Variants in RAB37 observed in about 807,000 individuals in gnomAD.
The protein encoded by RAB37 is RAB37, member RAS oncogene family, also known as ras-related protein Rab-37.
A neutral mutation model predicts 33.1 loss-of-function variants in RAB37; 29 were observed. The observed-to-expected ratio is 0.88, with a 90% CI of 0.65 to 1.20. RAB37 has a LOEUF of 1.20. Ranked by LOEUF, RAB37 falls within the 50% of genes most tolerant of loss-of-function variation. RAB37 has a pLI of 0.00. For synonymous variants in RAB37, 128 were observed against 119.5 expected, an observed-to-expected ratio of 1.07 and a Z score of -0.47; for missense variants, 299 against 301.1, an observed-to-expected ratio of 0.99 and a Z score of 0.05.
chr17:74,728,204 TTC>T (rs1375169431), intron 1 of RAB37, among the ~76,000 whole-genome samples: 2 of 152,062 alleles, frequency 1.3e-5, no homozygotes, highest in African/African-American at 4.8e-5. Context: ...GAATGTGTGT[TTC>T]TGTGTGTTTG....
chr17:74,727,643 G>A (rs2034321483), intron 1 of RAB37, among the ~76,000 whole-genome samples: 1 of 152,270 alleles, frequency 6.6e-6, no homozygotes, highest in African/African-American at 2.4e-5. Flanking sequence ...GAGCACGGCA[G>A]TGGGGACCAT....
intron 1 of RAB37, among the ~76,000 whole-genome samples, chr17:74,673,352 G>A (rs537095207): frequency 3.4e-4 from 50 of 149,186 alleles, no homozygotes; most frequent in South Asian, 1.3e-3. Context: ...GCAGTGAACC[G>A]AAATCACACC....
chr17:74,706,281 A>AT (rs1243179408), intron 1 of RAB37, among the ~76,000 whole-genome samples: 116 of 145,400 alleles, frequency 8.0e-4, no homozygotes, highest in East Asian at 2.6e-3. Context: ...AGGAAAAAAA[A>AT]AATATATATA....
chr17:74,737,129 T>A, upstream of RAB37: 1 of 1,589,848 alleles, frequency 6.3e-7, no homozygotes, highest in Non-Finnish European at 8.5e-7. Context: ...TCCGAGCCGG[T>A]GTCGTCGAGG....
At position 74,708,697 on chromosome 17, in the gene RAB37, A is replaced by C. The variant is rs566497491; in HGVS notation, c.73-20559A>C. 8.3e-4 allele frequency among the ~76,000 whole-genome samples: 127 copies of C among 152,298 alleles called. 1 individual carries two copies. Among genetic ancestry groups the C allele is most frequent in the African/African-American group, 3.0e-3 (123 of 41,574 alleles). On this transcript the variant is annotated intron_variant, in intron 1 of 7. Coordinates refer to the RAB37 transcript ENST00000340415. ...TTTGGGAGGCCAAGGCGGGCGGATC[A>C]GGAGGTGAGGAGATCGAGACCATCC...
chr17:74,721,240 C>T (rs1032666423), intron 1 of RAB37, among the ~76,000 whole-genome samples: 1 of 152,206 alleles, frequency 6.6e-6, no homozygotes, highest in African/African-American at 2.4e-5. Context: ...GCCAGGACCT[C>T]GCCCTCTTTT....
At chr17:74,719,774 C>A (rs1179556109) in intron 1 of RAB37, among the ~76,000 whole-genome samples, 1 of 152,122 alleles carries the variant, frequency 6.6e-6, no homozygotes, top group Non-Finnish European at 1.5e-5. Context: ...CCTTTGGCCT[C>A]CCCAAGCACT....
upstream of RAB37, among the ~76,000 whole-genome samples, chr17:74,733,430 GTGTA>G (rs1222015299): frequency 1.6e-4 from 1 of 6,286 alleles, no homozygotes. Flanking sequence ...TGATTTGAGA[GTGTA>G]TGTGTGTGAT....
intron 1 of RAB37, chr17:74,698,551 C>G (rs751152283): frequency 3.9e-6 from 6 of 1,543,288 alleles, no homozygotes; most frequent in African/African-American, 1.4e-5. Flanking sequence ...TCCCACCCAC[C>G]CAGCAGCAGG....
In RAB37 at chr17:74,706,935, G is replaced by A. The variant is rs1403143774; in HGVS notation, c.73-22321G>A. ...AGTGCTGGGAAAACTCGACATCCAC[G>A]TCCAGAAGAATGAAGCCGGACCTTT... On this transcript the variant is annotated intron_variant, in intron 1 of 7. Transcript: ENST00000340415. 3.9e-5 allele frequency among the ~76,000 whole-genome samples: 6 copies of A among 152,156 alleles called. No individual in the cohort carries two copies. In the East Asian group the frequency reaches 7.7e-4, roughly 20 times the overall value.
chr17:74,746,469 C>CG lies in RAB37; in HGVS notation c.*1060dup, dbSNP rs1359769365. 2.6e-5 allele frequency: 4 copies of CG among 152,230 alleles called. No individual in the cohort carries two copies. Among genetic ancestry groups the CG allele is most frequent in the African/African-American group, 9.7e-5 (4 of 41,440 alleles). The allele number at this position is 152,230 out of a possible 1,614,324, so 9.4% of individuals were successfully genotyped here. On this transcript the variant is annotated 3_prime_UTR_variant, in exon 9 of 9. Coordinates refer to ENST00000392613, the MANE Select transcript of RAB37 (RefSeq NM_001006638.3). This position sits in a 1 kb window ranked among gnomAD's most constrained non-coding sequence, Gnocchi z 5.2. ...GAATTCCTGAGCTCAAGCAACCTGC[C>CG]GGCCTCGGCCTCCCAAAGTACTGGG...
rs903950190 is a variant in RAB37, at chr17:74,746,580, C to T, written c.*1169C>T. 3 of 152,224 alleles carry T rather than the reference C, an allele frequency of 2.0e-5. No homozygotes were observed. Among genetic ancestry groups the T allele is most frequent in the Non-Finnish European group, 4.4e-5 (3 of 68,050 alleles). The allele number at this position is 152,224 out of a possible 1,614,324, so 9.4% of individuals were successfully genotyped here. On this transcript the variant is annotated 3_prime_UTR_variant, in exon 9 of 9. Coordinates refer to ENST00000392613, the MANE Select transcript of RAB37 (RefSeq NM_001006638.3). This position sits in a 1 kb window ranked among gnomAD's most constrained non-coding sequence, Gnocchi z 5.2. Reference sequence around the variant, plus strand: ...CATGCAGCTCCACAGGCGATTTCTTCAAGCAGCTGAAGTGTTTAGCCCTCC... The same window carrying T: ...CATGCAGCTCCACAGGCGATTTCTTTAAGCAGCTGAAGTGTTTAGCCCTCC...
intron 1 of RAB37, among the ~76,000 whole-genome samples, chr17:74,740,152 A>G (rs12945888): frequency 0.24 from 35,330 of 150,080 alleles, 6,602 homozygotes; most frequent in African/African-American, 0.51. Flanking sequence ...GCAAAACTCC[A>G]TCTCAAAAAA....
intron 1 of RAB37, among the ~76,000 whole-genome samples, chr17:74,699,050 C>T (rs1171760684): frequency 2.6e-5 from 4 of 151,970 alleles, no homozygotes; most frequent in African/African-American, 7.3e-5. Context: ...TCCCAAGTAG[C>T]GGGGATTACA....
chr17:74,692,420 G>T (rs2032176665), intron 1 of RAB37, among the ~76,000 whole-genome samples: 1 of 152,108 alleles, frequency 6.6e-6, no homozygotes, highest in Admixed American at 6.5e-5. Flanking sequence ...GGTCATGGGA[G>T]CAGGATCTCT....
intron 1 of RAB37, chr17:74,705,403 C>T: frequency 3.8e-6 from 2 of 526,170 alleles, no homozygotes; most frequent in South Asian, 2.7e-5. Flanking sequence ...AACACAGATC[C>T]CACTTTCTTT....
intron 1 of RAB37, among the ~76,000 whole-genome samples, chr17:74,699,276 T>G (rs1175545249): frequency 6.6e-6 from 1 of 152,142 alleles, no homozygotes; most frequent in Non-Finnish European, 1.5e-5. Context: ...TTAATGTGTC[T>G]AGAAGCCTAA....
intron 1 of RAB37, among the ~76,000 whole-genome samples, chr17:74,720,842 G>A (rs2144009533): frequency 6.6e-6 from 1 of 152,258 alleles, no homozygotes; most frequent in African/African-American, 2.4e-5. Flanking sequence ...CTTGAAGGAT[G>A]ATGAATGCGG....
chr17:74,689,684 A>G (rs1828914130), intron 1 of RAB37, among the ~76,000 whole-genome samples: 1 of 152,202 alleles, frequency 6.6e-6, no homozygotes, highest in South Asian at 2.1e-4. Flanking sequence ...TGCCAATCTA[A>G]AAAATTTATT....
Sources: gnomAD v4.1 joint callset for allele counts (sites outside exome capture counted in the v4.1 genomes callset) on GRCh38, gnomAD v4.1.1 for gene constraint, Gnocchi (gnomAD v3.1) non-coding constraint, MANE v1.5 for transcripts, NCBI Gene and HGNC (gene_info 2026-07-23, HGNC 2026-07-21) for gene names.